The following CDH12 variants were observed in gnomAD, a reference collection of about 807,000 sequenced individuals.
The protein encoded by CDH12 is cadherin-12.
CDH12 carries 41 observed loss-of-function variants against 74.1 expected under a neutral mutation model. The ratio of observed to expected loss-of-function variants is 0.55; its 90% CI spans 0.43 to 0.72. The LOEUF is 0.72. Ranked by LOEUF, CDH12 falls within the 30% of genes least tolerant of loss-of-function variation. CDH12 has a pLI of 0.00. For synonymous variants in CDH12, 399 were observed against 355.0 expected (o/e 1.12, Z -1.39); for missense variants, 945 against 977.2 (o/e 0.97, Z 0.44).
intron 3 of CDH12, among the ~76,000 whole-genome samples, chr5:22,348,894 A>G (rs2150462336): frequency 6.6e-6 from 1 of 152,326 alleles, no homozygotes; most frequent in East Asian, 1.9e-4. Flanking sequence ...TGGCATATAG[A>G]GCAGGCATTC....
At chr5:22,734,694 C>T (rs1472839297) in intron 1 of CDH12, among the ~76,000 whole-genome samples, 1 of 151,948 alleles carries the variant, frequency 6.6e-6, no homozygotes, top group Non-Finnish European at 1.5e-5. Flanking sequence ...GATTCTCTCA[C>T]TAATGAGTTG....
chr5:22,794,315 A>C (rs1402144487), intron 1 of CDH12, among the ~76,000 whole-genome samples: 1 of 152,208 alleles, frequency 6.6e-6, no homozygotes, highest in Non-Finnish European at 1.5e-5. Flanking sequence ...GGAATATTTG[A>C]GTACTAGAAA....
At chr5:22,437,004 TA>T (rs1744424776) in intron 2 of CDH12, among the ~76,000 whole-genome samples, 1 of 152,084 alleles carries the variant, frequency 6.6e-6, no homozygotes, top group Non-Finnish European at 1.5e-5. Context: ...ATTTAATCTA[TA>T]AATTAACATG....
intron 3 of CDH12, among the ~76,000 whole-genome samples, chr5:22,265,425 C>T (rs1753669474): frequency 6.6e-6 from 1 of 152,114 alleles, no homozygotes; most frequent in Admixed American, 6.6e-5. Flanking sequence ...GTCTTAACTT[C>T]AGGAATACTT....
intron 1 of CDH12, among the ~76,000 whole-genome samples, chr5:22,562,731 G>A (rs1397881850): frequency 6.6e-6 from 1 of 151,436 alleles, no homozygotes; most frequent in East Asian, 1.9e-4. Flanking sequence ...ACAACAAAAT[G>A]CTAAATATGC....
rs1001490171 is a variant in CDH12 at position 22,281,802 on chromosome 5, A to C, written c.-332-69159T>G. 5.3e-5 allele frequency among the ~76,000 whole-genome samples: 8 copies of C among 152,184 alleles called. No homozygotes were observed. In the East Asian group the frequency reaches 1.5e-3, roughly 29 times the overall value. On this transcript the variant is annotated intron_variant, in intron 3 of 14. Coordinates refer to ENST00000382254, the MANE Select transcript of CDH12 (RefSeq NM_004061.5). ...TTGTGAAAATGGCCATACTGCCCAA[A>C]GGAATTTATAGATTCAATGCTATTC...
chr5:21,864,046 A>G (rs1021885364), intron 6 of CDH12, among the ~76,000 whole-genome samples: 1 of 152,148 alleles, frequency 6.6e-6, no homozygotes, highest in African/African-American at 2.4e-5. Context: ...ATTGAAATTT[A>G]TTTTCAAATA....
chr5:22,370,845 A>G (rs533517935), intron 3 of CDH12, among the ~76,000 whole-genome samples: 20 of 152,296 alleles, frequency 1.3e-4, no homozygotes, highest in African/African-American at 3.4e-4. Flanking sequence ...CAGCAAAAAA[A>G]TCATCTGGAA....
intron 3 of CDH12, among the ~76,000 whole-genome samples, chr5:22,239,604 C>G (rs143260184): frequency 1.3e-3 from 205 of 152,198 alleles, no homozygotes; most frequent in African/African-American, 4.0e-3. Flanking sequence ...ATAGATTAGA[C>G]AAATAGATGG....
intron 1 of CDH12, among the ~76,000 whole-genome samples, chr5:22,805,389 G>T (rs546816069): frequency 1.3e-5 from 2 of 151,798 alleles, no homozygotes; most frequent in South Asian, 4.2e-4. Context: ...ACATAAGAGT[G>T]AAATAAATAC....
intron 5 of CDH12, among the ~76,000 whole-genome samples, chr5:22,041,841 G>C (rs1335222526): frequency 2.0e-5 from 3 of 152,126 alleles, no homozygotes; most frequent in Non-Finnish European, 4.4e-5. Flanking sequence ...TTCTTACTTA[G>C]CAGCAGAATA....
intron 4 of CDH12, among the ~76,000 whole-genome samples, chr5:22,107,114 C>T (rs1462765629): frequency 6.6e-6 from 1 of 151,576 alleles, no homozygotes; most frequent in African/African-American, 2.4e-5. Flanking sequence ...TGGGACAATG[C>T]CACAATGCCA....
At chr5:22,636,468 T>C (rs1359452382) in intron 1 of CDH12, among the ~76,000 whole-genome samples, 2 of 152,168 alleles carry the variant, frequency 1.3e-5, no homozygotes, top group Admixed American at 1.3e-4. Flanking sequence ...ATCCAAACAA[T>C]GGCGTATTCT....
At chr5:22,744,030 AAAC>A (rs1423588836) in intron 1 of CDH12, among the ~76,000 whole-genome samples, 3 of 152,156 alleles carry the variant, frequency 2.0e-5, no homozygotes, top group African/African-American at 7.2e-5. Context: ...TTTTAATGTA[AAAC>A]AACAAGTTGC....
At chr5:22,788,044 T>C (rs1747728136) in intron 1 of CDH12, among the ~76,000 whole-genome samples, 1 of 152,196 alleles carries the variant, frequency 6.6e-6, no homozygotes, top group Non-Finnish European at 1.5e-5. Context: ...AAGTATTTAA[T>C]GCCAACTCAG....
chr5:22,505,410 A>G (rs755462879), intron 1 of CDH12, 46 bp from the exon 2 acceptor site: 22 of 631,092 alleles, frequency 3.5e-5, no homozygotes, highest in Admixed American at 1.9e-4. Context: ...TATCTTTTCT[A>G]ATAAACATTT....
intron 1 of CDH12, among the ~76,000 whole-genome samples, chr5:22,648,330 G>A (rs1247904595): frequency 6.6e-6 from 1 of 151,804 alleles, no homozygotes; most frequent in East Asian, 1.9e-4. Context: ...CCACAGAACA[G>A]TATCTACTAC....
intron 10 of CDH12, 27 bp downstream of exon 10, chr5:21,802,138 CAT>C (rs1747145067): frequency 1.9e-6 from 3 of 1,586,214 alleles, no homozygotes; most frequent in Non-Finnish European, 2.6e-6. Flanking sequence ...TTTCCTGAAA[CAT>C]AGAAAAAAAA....
chr5:22,494,679 C>G (rs114972627), intron 2 of CDH12, among the ~76,000 whole-genome samples: 2,170 of 152,218 alleles, frequency 0.014, 26 homozygotes, highest in Middle Eastern at 0.031. Flanking sequence ...TTCCAAGAAC[C>G]TATTGATGAT....
Sources: allele counts gnomAD v4.1 joint callset (sites outside exome capture counted in the v4.1 genomes callset), GRCh38; gene constraint gnomAD v4.1.1; transcripts MANE v1.5; gene names NCBI Gene and HGNC (gene_info 2026-07-23, HGNC 2026-07-21).